Variants in CROCC2 observed in about 807,000 individuals in gnomAD.
The protein encoded by CROCC2 is ciliary rootlet coiled-coil protein 2.
A neutral mutation model predicts 177.6 loss-of-function variants in CROCC2; 163 were observed. The observed-to-expected ratio is 0.92, with a 90% CI of 0.81 to 1.05. The LOEUF is 1.05. CROCC2 is among the 50% of genes least tolerant of loss of function. CROCC2 has a pLI of 0.00. For missense variants in CROCC2, 1,929 were observed against 1,797.8 expected, an observed-to-expected ratio of 1.07 and a Z score of -1.32; for synonymous variants, 904 against 787.3, an observed-to-expected ratio of 1.15 and a Z score of -2.48.
At position 240,963,625 on chromosome 2, in the gene CROCC2, G is replaced by T. The variant is rs545427840; in HGVS notation, c.3157G>T (p.Gly1053Cys). The T allele has an allele frequency of 6.5e-7, 1 of 1,549,134 alleles. No homozygotes were observed. The highest frequency in any genetic ancestry group is 2.4e-5 in the East Asian group (1 of 40,900). Residue 1053 changes from glycine to cysteine, a missense_variant, in exon 21 of 32, where the codon GGC (glycine) becomes TGC (cysteine). Physicochemically the swap from Gly to Cys is radical, Grantham distance 159 (BLOSUM62 -3). This residue lies in a region of CROCC2 where 1,397 missense variants were observed against 1,239.9 expected (regional missense o/e 1.13). Transcript: ENST00000690015. Reference protein sequence around the residue: ...GLAALRQELQGVEESREGLHR... With the variant: ...GLAALRQELQCVEESREGLHR... ...GGCCGCACTGCGCCAGGAGCTGCAG[G>T]GCGTCGAGGAGAGCCGGGAGGGGCT... is the stretch of plus-strand genomic sequence containing the variant.
chr2:240,986,655 C>A (rs1463843377), intron 28 of CROCC2, among the ~76,000 whole-genome samples: 8 of 152,154 alleles, frequency 5.3e-5, no homozygotes, highest in Non-Finnish European at 1.2e-4. Flanking sequence ...GTGGGAAGGG[C>A]AGGTGTCTTT....
At chr2:240,964,727 T>A in intron 22 of CROCC2, 102 bp downstream of exon 22, 1 of 1,353,996 alleles carries the variant, frequency 7.4e-7, no homozygotes, top group Non-Finnish European at 9.9e-7. Context: ...TGCTGCCGCC[T>A]TTGAACCACT....
intron 15 of CROCC2, among the ~76,000 whole-genome samples, chr2:240,946,459 T>G (rs1281911893): frequency 6.6e-6 from 1 of 152,212 alleles, no homozygotes; most frequent in Non-Finnish European, 1.5e-5. Flanking sequence ...GTGAAAGCGC[T>G]GGGGTCACCC....
At position 240,930,247 on chromosome 2, in the gene CROCC2, G is replaced by A. The variant is rs529985646; in HGVS notation, c.727G>A (p.Glu243Lys). The A allele has an allele frequency of 2.9e-5, 17 of 577,758 alleles. No individual in the cohort carries two copies. Among genetic ancestry groups the A allele is most frequent in the East Asian group, 2.2e-4 (7 of 31,952 alleles). 35.8% of individuals were successfully genotyped at this position (577,758 alleles called of 1,614,324 possible). A position where few individuals can be genotyped will look rare whatever the true frequency, so the allele number is the denominator to read the frequency against. Residue 243 changes from glutamate to lysine, a missense_variant, in exon 6 of 32, where the codon GAG (glutamate) becomes AAG (lysine). Glu to Lys is a moderately conservative substitution (Grantham distance 56). Coordinates refer to ENST00000690015, the MANE Select transcript of CROCC2 (RefSeq NM_001351305.2). ...CGTGGTGCTGGGGACAGACCTGGCC[G>A]AGCTGCGTGTAGCCACTGAGAGGTG... The part of the protein sequence containing the change: ...QAVVLGTDLA[E>K]LRVATERGLA...
intron 18 of CROCC2, 89 bp downstream of exon 18, chr2:240,950,599 C>T (rs1000816650): frequency 6.5e-6 from 9 of 1,389,456 alleles, no homozygotes; most frequent in South Asian, 3.0e-5. Flanking sequence ...TGTGGCCACA[C>T]CTTAGGCAGG....
At chr2:240,943,458 A>G (rs1454478536) in intron 14 of CROCC2, among the ~76,000 whole-genome samples, 1 of 148,168 alleles carries the variant, frequency 6.7e-6, no homozygotes, top group Middle Eastern at 3.3e-3. Context: ...ATCTTAGGCC[A>G]TGTTCCCAGT....
At chr2:240,928,093 C>A (rs2059405188) in intron 5 of CROCC2, among the ~76,000 whole-genome samples, 1 of 152,176 alleles carries the variant, frequency 6.6e-6, no homozygotes, top group African/African-American at 2.4e-5. Context: ...GATCATGGTC[C>A]TTTGTTTCCT....
In CROCC2 at chr2:240,988,756, G is replaced by A. The variant is rs1304037532; in HGVS notation, c.4569G>A (p.Leu1523=). Residue 1523 remains leucine (L), a synonymous_variant, in exon 29 of 32, where the codon CTG becomes CTA. Coordinates refer to ENST00000690015, the MANE Select transcript of CROCC2 (RefSeq NM_001351305.2). ...EPLRQMEQET[L]KREEDVARLG... Reference sequence around the variant, plus strand: ...CTCTGCAGATGGAGCAAGAGACACTGAAGAGGGAGGAGGATGTGGCGAGGC... The same window carrying A: ...CTCTGCAGATGGAGCAAGAGACACTAAAGAGGGAGGAGGATGTGGCGAGGC... 2.0e-6 allele frequency: 3 copies of A among 1,484,250 alleles called. No individual in the cohort carries two copies. Among genetic ancestry groups the A allele is most frequent in the East Asian group, 5.2e-5 (2 of 38,260 alleles). The allele number at this position is 1,484,250 out of a possible 1,614,324, so 91.9% of individuals were successfully genotyped here.
At chr2:240,970,566 C>A (rs536448526) in intron 27 of CROCC2, among the ~76,000 whole-genome samples, 22 of 152,338 alleles carry the variant, frequency 1.4e-4, no homozygotes, top group Non-Finnish European at 2.8e-4. Context: ...AGGACAGCGC[C>A]CTGCCCCCTC....
intron 14 of CROCC2, among the ~76,000 whole-genome samples, chr2:240,944,202 C>T (rs914523047): frequency 2.0e-5 from 3 of 152,208 alleles, no homozygotes; most frequent in African/African-American, 4.8e-5. Flanking sequence ...GTTCATTTCA[C>T]GCCTATGTGT....
intron 27 of CROCC2, among the ~76,000 whole-genome samples, chr2:240,974,932 C>T (rs896189714): frequency 5.9e-5 from 9 of 152,072 alleles, no homozygotes; most frequent in African/African-American, 2.2e-4. Context: ...TTATTGCTTA[C>T]GTCATCTTCC....
chr2:240,922,696 C>T (rs1459971943), intron 4 of CROCC2, 51 bp downstream of exon 4: 2 of 525,546 alleles, frequency 3.8e-6, no homozygotes, highest in Admixed American at 6.8e-5. Flanking sequence ...AGCCATCCCC[C>T]CGAGAGGCAG....
chr2:240,961,697 C>T (rs925926514), intron 20 of CROCC2, among the ~76,000 whole-genome samples: 9 of 146,630 alleles, frequency 6.1e-5, no homozygotes, highest in African/African-American at 1.5e-4. Flanking sequence ...GGCATACGGA[C>T]GTGCACACAC....
chr2:240,962,854 G>A (rs66757740), intron 20 of CROCC2, among the ~76,000 whole-genome samples: 1 of 151,974 alleles, frequency 6.6e-6, no homozygotes, highest in Non-Finnish European at 1.5e-5. Flanking sequence ...GGGCCTTCCT[G>A]CCAGGCTGCA....
intron 5 of CROCC2, among the ~76,000 whole-genome samples, chr2:240,927,577 A>C (rs1176478049): frequency 6.6e-6 from 1 of 152,136 alleles, no homozygotes; most frequent in African/African-American, 2.4e-5. Context: ...TAAATTGCCA[A>C]TATTGTATTT....
At chr2:240,920,449 G>T (rs1440873503) in intron 3 of CROCC2, among the ~76,000 whole-genome samples, 1 of 152,190 alleles carries the variant, frequency 6.6e-6, no homozygotes, top group Non-Finnish European at 1.5e-5. Flanking sequence ...CGGGAGCCCT[G>T]TGGGGTGGCC....
At position 240,961,854 on chromosome 2, in the gene CROCC2, A is replaced by G. The variant is rs536359961; in HGVS notation, c.3088-1702A>G. Among the ~76,000 whole-genome samples the G allele has an allele frequency of 9.5e-5, 9 of 94,266 alleles. 2 individuals carry two copies. The South Asian group carries it at 3.2e-3, about 33-fold the overall frequency. 61.8% of individuals were successfully genotyped at this position (94,266 alleles called of 152,430 possible). On this transcript the variant is annotated intron_variant, in intron 20 of 31. Coordinates refer to ENST00000690015, the MANE Select transcript of CROCC2 (RefSeq NM_001351305.2). ...ACGCACACATACACTCATGACACACACGCACACACTCATCACACATGCTCA... is the reference window on the plus strand; with the variant it reads ...ACGCACACATACACTCATGACACACGCGCACACACTCATCACACATGCTCA...
intron 19 of CROCC2, 140 bp from the exon 20 acceptor site, chr2:240,959,161 G>C (rs192858603): frequency 2.1e-6 from 2 of 972,360 alleles, no homozygotes; most frequent in East Asian, 2.9e-5. Context: ...CAGTTACCCC[G>C]GGGCTTGCAC....
In CROCC2 at chr2:240,932,817, C is replaced by A; in HGVS notation, c.1160C>A (p.Ala387Glu). 2.0e-6 allele frequency: 3 copies of A among 1,534,052 alleles called. No homozygotes were observed. Among genetic ancestry groups the A allele is most frequent in the East Asian group, 2.5e-5 (1 of 40,782 alleles). Residue 387 changes from alanine to glutamate, a missense_variant, in exon 9 of 32, where the codon GCG (alanine) becomes GAG (glutamate). Ala to Glu is a moderately radical substitution (Grantham distance 107). Around this residue, in one of 3 missense-constraint regions of CROCC2, gnomAD observed 1,397 missense variants for 1,239.9 expected, o/e 1.13. Coordinates refer to ENST00000690015, the MANE Select transcript of CROCC2 (RefSeq NM_001351305.2). ...CGTGCCACATCCCCCCATCAAGGGGCGTCCCCACCACACATCTGCTCCCCA... is the reference window on the plus strand; with the variant it reads ...CGTGCCACATCCCCCCATCAAGGGGAGTCCCCACCACACATCTGCTCCCCA... The part of the protein sequence containing the change: ...PQRATSPHQG[A>E]SPPHICSPAT...
Sources: gnomAD v4.1 joint callset for allele counts (sites outside exome capture counted in the v4.1 genomes callset) on GRCh38, gnomAD v4.1.1 for gene constraint, gnomAD v4.1.1 regional missense constraint, MANE v1.5 for transcripts, NCBI Gene and HGNC (gene_info 2026-07-23, HGNC 2026-07-21) for gene names.